TAFA1: variants seen among roughly 807,000 people sequenced by gnomAD.
TAFA1 encodes the protein chemokine-like protein TAFA-1.
A neutral mutation model predicts 18.5 loss-of-function variants in TAFA1; 4 were observed. The ratio of observed to expected loss-of-function variants is 0.22; its 90% confidence interval spans 0.11 to 0.49. The LOEUF (loss-of-function observed/expected upper bound fraction) is 0.49, where lower values mean the gene tolerates loss of function less well. TAFA1 is among the 20% of genes least tolerant of loss of function. The pLI, the probability that TAFA1 is intolerant of heterozygous loss-of-function variation, is 0.98. For synonymous variants in TAFA1, 56 were observed against 55.2 expected (o/e 1.01, Z -0.06); for missense variants, 147 against 169.0 (o/e 0.87, Z 0.72).
chr3:68,448,218 A>G (rs1306146944), intron 3 of TAFA1, among the ~76,000 whole-genome samples: 1 of 152,206 alleles, frequency 6.6e-6, no homozygotes, highest in Non-Finnish European at 1.5e-5. Context: ...TATAAGGTCC[A>G]CAGACAACTT....
At chr3:68,043,155 A>C (rs1705201552) in intron 2 of TAFA1, among the ~76,000 whole-genome samples, 1 of 152,138 alleles carries the variant, frequency 6.6e-6, no homozygotes, top group African/African-American at 2.4e-5. Flanking sequence ...TACAGGTGTG[A>C]GCCACCGTGC....
intron 3 of TAFA1, among the ~76,000 whole-genome samples, chr3:68,462,692 C>T (rs753148518): frequency 6.6e-6 from 1 of 152,060 alleles, no homozygotes; most frequent in Non-Finnish European, 1.5e-5. Context: ...CAGGATAGTT[C>T]CTTGTCATAG....
At chr3:68,178,456 T>A (rs188856272) in intron 2 of TAFA1, among the ~76,000 whole-genome samples, 142 of 152,276 alleles carry the variant, frequency 9.3e-4, no homozygotes, top group Admixed American at 8.5e-3. Context: ...GTGTTAGGAA[T>A]GAAGCAAGCA....
chr3:68,341,337 G>A (rs879708650), intron 2 of TAFA1, among the ~76,000 whole-genome samples: 13 of 152,056 alleles, frequency 8.5e-5, no homozygotes, highest in Non-Finnish European at 1.3e-4. Flanking sequence ...AGGTGGGATC[G>A]CAGAACTGGT....
intron 2 of TAFA1, among the ~76,000 whole-genome samples, chr3:68,052,010 A>G (rs564196893): frequency 6.6e-6 from 1 of 152,244 alleles, no homozygotes; most frequent in East Asian, 1.9e-4. Flanking sequence ...TAATTTAAGG[A>G]AGTCTTTTTT....
At chr3:68,048,933 A>C (rs1022565076) in intron 2 of TAFA1, among the ~76,000 whole-genome samples, 1 of 152,194 alleles carries the variant, frequency 6.6e-6, no homozygotes, top group African/African-American at 2.4e-5. Context: ...GGATGTGCAG[A>C]TATCTCTTTG....
intron 3 of TAFA1, among the ~76,000 whole-genome samples, chr3:68,535,097 A>G (rs2106782543): frequency 6.6e-6 from 1 of 152,310 alleles, no homozygotes; most frequent in Non-Finnish European, 1.5e-5. Context: ...GATAAGCATC[A>G]GAAATGGTAG....
intron 2 of TAFA1, among the ~76,000 whole-genome samples, chr3:68,325,230 G>A (rs2068757474): frequency 6.6e-6 from 1 of 152,182 alleles, no homozygotes; most frequent in Non-Finnish European, 1.5e-5. Context: ...AGGCATCAGT[G>A]TCACCATTTG....
chr3:68,413,164 A>C (rs777577456), intron 2 of TAFA1, among the ~76,000 whole-genome samples: 2 of 151,906 alleles, frequency 1.3e-5, no homozygotes, highest in Non-Finnish European at 2.9e-5. Context: ...TGTTGGCTAC[A>C]TAATTGTCTT....
At chr3:68,454,336 C>T (rs1046764589) in intron 3 of TAFA1, among the ~76,000 whole-genome samples, 1 of 152,108 alleles carries the variant, frequency 6.6e-6, no homozygotes, top group African/African-American at 2.4e-5. Flanking sequence ...CCATTGTCCC[C>T]AACCTATTCC....
intron 2 of TAFA1, among the ~76,000 whole-genome samples, chr3:68,379,633 C>T (rs1426994710): frequency 6.6e-6 from 1 of 151,750 alleles, no homozygotes; most frequent in Admixed American, 6.6e-5. Flanking sequence ...TTGGGTTTTA[C>T]ACTTAAGTCT....
chr3:68,054,955 G>A (rs567986745), intron 2 of TAFA1, among the ~76,000 whole-genome samples: 5 of 152,054 alleles, frequency 3.3e-5, no homozygotes, highest in Admixed American at 2.6e-4. Context: ...ATTTGGGGTA[G>A]ACTATGCTCT....
intron 2 of TAFA1, among the ~76,000 whole-genome samples, chr3:68,090,510 C>T (rs1418705399): frequency 1.3e-5 from 2 of 152,096 alleles, no homozygotes; most frequent in Non-Finnish European, 2.9e-5. Flanking sequence ...GCTTTGTACC[C>T]CATGTTGTTC....
chr3:68,533,677 G>A (rs1427459525), intron 3 of TAFA1, among the ~76,000 whole-genome samples: 1 of 152,114 alleles, frequency 6.6e-6, no homozygotes, highest in Admixed American at 6.6e-5. Context: ...GTGGGGAGAG[G>A]ATCGATTTCT....
chr3:68,302,588 A>C (rs2068324081), intron 2 of TAFA1, among the ~76,000 whole-genome samples: 2 of 152,110 alleles, frequency 1.3e-5, no homozygotes, highest in Admixed American at 6.5e-5. Context: ...TATTCATAAA[A>C]GTTCCAAGAG....
intron 3 of TAFA1, among the ~76,000 whole-genome samples, chr3:68,462,390 A>G (rs563955400): frequency 6.6e-6 from 1 of 152,164 alleles, no homozygotes; most frequent in Non-Finnish European, 1.5e-5. Context: ...GGTTTCATAA[A>G]TGGGAGTTCC....
chr3:68,291,332 T>G (rs1369503547), intron 2 of TAFA1, among the ~76,000 whole-genome samples: 1 of 152,216 alleles, frequency 6.6e-6, no homozygotes, highest in East Asian at 1.9e-4. Flanking sequence ...TAGAAGGCAC[T>G]TAAGAAAATA....
intron 2 of TAFA1, among the ~76,000 whole-genome samples, chr3:68,129,036 T>C (rs929074331): frequency 3.9e-5 from 6 of 152,198 alleles, no homozygotes; most frequent in Admixed American, 6.5e-5. Context: ...AAACATTTCA[T>C]AGGGGCTCCC....
chr3:68,230,273 C>G (rs536878181), intron 2 of TAFA1, among the ~76,000 whole-genome samples: 13 of 151,946 alleles, frequency 8.6e-5, no homozygotes, highest in Non-Finnish European at 1.5e-4. Context: ...CTGCAACCCC[C>G]CAATGAACCT....
Sources: gnomAD v4.1 joint callset for allele counts (sites outside exome capture counted in the v4.1 genomes callset) on GRCh38, gnomAD v4.1.1 for gene constraint, MANE v1.5 for transcripts, NCBI Gene and HGNC (gene_info 2026-07-23, HGNC 2026-07-21) for gene names.